Variants in TLN1 observed in about 807,000 individuals in gnomAD.
The protein encoded by TLN1 is talin 1.
Under a neutral mutation model 292.3 loss-of-function variants are expected in TLN1, and 56 were observed. The ratio of observed to expected loss-of-function variants is 0.19; its 90% CI spans 0.15 to 0.24. TLN1 has a LOEUF of 0.24. TLN1 is among the 10% of genes least tolerant of loss of function. The pLI, the probability that TLN1 is intolerant of heterozygous loss-of-function variation, is 1.00. For synonymous variants in TLN1, 1,119 were observed against 1,253.7 expected, an observed-to-expected ratio of 0.89 and a Z score of 2.27; for missense variants, 2,433 against 3,248.2, an observed-to-expected ratio of 0.75 and a Z score of 6.10.
At chr9:35,722,253 AAG>A in intron 8 of TLN1, 30 bp from the exon 9 acceptor site, 1 of 1,586,226 alleles carries the variant, frequency 6.3e-7, no homozygotes, top group Non-Finnish European at 8.7e-7. Flanking sequence ...GAATTTAGCA[AAG>A]AGTTTCATAT....
At chr9:35,715,244 GCTCCTCTCTCA>G in intron 20 of TLN1, 57 bp from the exon 21 acceptor site, 11 of 1,590,368 alleles carry the variant, frequency 6.9e-6, no homozygotes, top group Non-Finnish European at 9.4e-6. Flanking sequence ...TCCTAAAGAA[GCTCCTCTCTCA>G]CTCCTCTAGA....
At position 35,704,639 on chromosome 9, in the gene TLN1, C is replaced by G. The variant is rs748449398; in HGVS notation, c.5880+30G>C. The G allele has an allele frequency of 6.2e-7, 1 of 1,611,610 alleles. No individual in the cohort carries two copies. Among genetic ancestry groups the G allele is most frequent in the South Asian group, 1.1e-5 (1 of 90,926 alleles). On this transcript the variant is annotated intron_variant, in intron 44 of 56. Coordinates refer to ENST00000314888, the MANE Select transcript of TLN1 (RefSeq NM_006289.4). This position sits in a 1 kb window ranked among gnomAD's most constrained non-coding sequence, Gnocchi z 6.9. The stretch of plus-strand genomic sequence containing the variant: ...AAAGGCTACAGAGTTTGGAGGCAGT[C>G]CCACCATCTGCAGGGATGAGCACCG...
chr9:35,721,592 G>A lies in TLN1; in HGVS notation c.1104+56C>T, dbSNP rs1164895887. 8.2e-6 allele frequency: 13 copies of A among 1,579,184 alleles called. No homozygotes were observed. The African/African-American group carries it at 1.6e-4, about 20-fold the overall frequency. Reference sequence around the variant, plus strand: ...CCAAGAGAGGGAAGAGACCTCTGCAGCTGCCCCTTTAATGAAACTCCCAAA... The same window carrying A: ...CCAAGAGAGGGAAGAGACCTCTGCAACTGCCCCTTTAATGAAACTCCCAAA... On this transcript the variant is annotated intron_variant, in intron 10 of 56. Transcript: ENST00000314888.
intron 1 of TLN1, among the ~76,000 whole-genome samples, chr9:35,731,830 C>A (rs1478740980): frequency 1.3e-5 from 2 of 152,138 alleles, no homozygotes; most frequent in African/African-American, 4.8e-5. Flanking sequence ...CGCCCTGCGC[C>A]CCGCTGCCAC....
At position 35,699,912 on chromosome 9, in the gene TLN1, G is replaced by T; in HGVS notation, c.6768+62C>A. The T allele has an allele frequency of 6.6e-7, 1 of 1,511,242 alleles. No individual in the cohort carries two copies. The highest frequency in any genetic ancestry group is 9.0e-7 in the Non-Finnish European group (1 of 1,105,312). 93.6% of individuals were successfully genotyped at this position (1,511,242 alleles called of 1,614,324 possible). A position where few individuals can be genotyped will look rare whatever the true frequency, so the allele number is the denominator to read the frequency against. On this transcript the variant is annotated intron_variant, in intron 50 of 56. Coordinates refer to ENST00000314888, the MANE Select transcript of TLN1 (RefSeq NM_006289.4). The surrounding 1 kb of genome is among the most constrained non-coding windows in gnomAD (Gnocchi z 4.0). ...AAACAGACAGCAGGGTGCGAGGCCT[G>T]CAGGAAGAGGGCTGTGTATTCAGGG...
chr9:35,698,993 G>A lies in TLN1; in HGVS notation c.6999+39C>T. 6 of 1,608,998 alleles carry A rather than the reference G, an allele frequency of 3.7e-6. No individual in the cohort carries two copies. Among genetic ancestry groups the A allele is most frequent in the Non-Finnish European group, 5.1e-6 (6 of 1,175,696 alleles). On this transcript the variant is annotated intron_variant, in intron 52 of 56. Transcript: ENST00000314888. The surrounding 1 kb of genome is among the most constrained non-coding windows in gnomAD (Gnocchi z 5.3). ...AGTCAGAGATGAAGGTGGGGACACT[G>A]CCATGGTGAGGGTGGAAGAGGAAGG...
chr9:35,728,120 C>G (rs770195630), intron 1 of TLN1, among the ~76,000 whole-genome samples: 10 of 152,098 alleles, frequency 6.6e-5, no homozygotes, highest in Non-Finnish European at 1.3e-4. Flanking sequence ...GCGATGCATT[C>G]CAAAGAAGTT....
chr9:35,724,085 G>A lies in TLN1; in HGVS notation c.655-6C>T, dbSNP rs375256716. On this transcript the variant is annotated splice_region_variant and splice_polypyrimidine_tract_variant and intron_variant, in intron 6 of 56. Transcript: ENST00000314888. This position sits in a 1 kb window ranked among gnomAD's most constrained non-coding sequence, Gnocchi z 4.7. ...TTCAGGATGTCATCTCGTGCCTGGAGAGCACAGGGCAAGGAGGCGAATGTT... is the reference window on the plus strand; with the variant it reads ...TTCAGGATGTCATCTCGTGCCTGGAAAGCACAGGGCAAGGAGGCGAATGTT... The A allele has an allele frequency of 2.5e-6, 4 of 1,613,610 alleles. No individual in the cohort carries two copies. In the South Asian group the frequency reaches 3.3e-5, roughly 13 times the overall value.
Position 35,713,310 on chromosome 9 carries a change from G to A in TLN1, c.3250-12C>T, listed in dbSNP as rs1018743667. The A allele has an allele frequency of 6.3e-7, 1 of 1,578,128 alleles. No homozygotes were observed. The highest frequency in any genetic ancestry group is 8.7e-7 in the Non-Finnish European group (1 of 1,152,646). ...GTACACTTCTCCATCTAAGGATGAA[G>A]GGGGAAGAATTGGGCTTGAGAAAGG... On this transcript the variant is annotated splice_polypyrimidine_tract_variant and intron_variant, in intron 25 of 56. Coordinates refer to ENST00000314888, the MANE Select transcript of TLN1 (RefSeq NM_006289.4).
At position 35,712,970 on chromosome 9, in the gene TLN1, C is replaced by T. The variant is rs190970560; in HGVS notation, c.3426G>A (p.Thr1142=). Residue 1142 remains threonine (T), a synonymous_variant, in exon 27 of 57, where the codon ACG becomes ACA. Coordinates refer to ENST00000314888, the MANE Select transcript of TLN1 (RefSeq NM_006289.4). ...AQAARGVAAL[T]SDPAVQAIVL... Reference sequence around the variant, plus strand: ...CAATGGCCTGCACTGCAGGATCTGACGTCAGTGCAGCGACTCCCCTAGCGG... The same window carrying T: ...CAATGGCCTGCACTGCAGGATCTGATGTCAGTGCAGCGACTCCCCTAGCGG... 26 of 1,610,510 alleles carry T rather than the reference C, an allele frequency of 1.6e-5. No homozygotes were observed. The African/African-American group carries it at 2.7e-4, about 17-fold the overall frequency.
chr9:35,726,004 C>T (rs1825970973), intron 1 of TLN1, among the ~76,000 whole-genome samples: 1 of 152,138 alleles, frequency 6.6e-6, no homozygotes, highest in South Asian at 2.1e-4. Flanking sequence ...GCTCCGCCTC[C>T]TGGATTCACG....
rs745844921 is a variant in TLN1, at chr9:35,699,962, G to A, written c.6768+12C>T. 8 of 1,601,012 alleles carry A rather than the reference G, an allele frequency of 5.0e-6. No homozygotes were observed. The highest frequency in any genetic ancestry group is 6.8e-6 in the Non-Finnish European group (8 of 1,170,966). On this transcript the variant is annotated intron_variant, in intron 50 of 56. Transcript: ENST00000314888. The surrounding 1 kb of genome is among the most constrained non-coding windows in gnomAD (Gnocchi z 4.0). Reference sequence around the variant, plus strand: ...GAGGCTGGTATGAGGAACAAGCAACGCCCTCCCTTACCAGCAGTACATGGT... The same window carrying A: ...GAGGCTGGTATGAGGAACAAGCAACACCCTCCCTTACCAGCAGTACATGGT...
At chr9:35,723,032 G>A in intron 7 of TLN1, 111 bp from the exon 8 acceptor site, 1 of 903,872 alleles carries the variant, frequency 1.1e-6, no homozygotes. Flanking sequence ...TGTTATCTTT[G>A]GGGAGAAAAA....
At position 35,724,051 on chromosome 9, in the gene TLN1, T is replaced by C. The variant is rs199774975; in HGVS notation, c.683A>G (p.His228Arg). Residue 228 changes from histidine (H) to arginine (R), a missense_variant, in exon 7 of 57, where the codon CAC (histidine) becomes CGC (arginine). Physicochemically the swap from His to Arg is conservative, Grantham distance 29. This residue lies in a region of TLN1 where 78 missense variants were observed against 88.8 expected (regional missense o/e 0.88). Coordinates refer to ENST00000314888, the MANE Select transcript of TLN1 (RefSeq NM_006289.4). The surrounding 1 kb of genome is among the most constrained non-coding windows in gnomAD (Gnocchi z 4.7). ...ACAGGCCTTGTCAAAGGAGACAGGGTGGGAGCCATTCAGGATGTCATCTCG... is the reference window on the plus strand; with the variant it reads ...ACAGGCCTTGTCAAAGGAGACAGGGCGGGAGCCATTCAGGATGTCATCTCG... Reference protein sequence around the residue: ...QARDDILNGSHPVSFDKACEF... With the variant: ...QARDDILNGSRPVSFDKACEF... 1 of 1,613,868 alleles carries C rather than the reference T, an allele frequency of 6.2e-7. No individual in the cohort carries two copies. Among genetic ancestry groups the C allele is most frequent in the Non-Finnish European group, 8.5e-7 (1 of 1,179,856 alleles).
intron 27 of TLN1, 87 bp from the exon 28 acceptor site, chr9:35,712,211 C>T (rs1465234835): frequency 6.8e-7 from 1 of 1,480,562 alleles, no homozygotes; most frequent in African/African-American, 1.4e-5. Flanking sequence ...ATGACTAGCT[C>T]TACTGCCTCT....
chr9:35,720,274 C>A (rs1825858337), intron 12 of TLN1, 55 bp from the exon 13 acceptor site: 1 of 1,544,916 alleles, frequency 6.5e-7, no homozygotes, highest in African/African-American at 1.4e-5. Context: ...CTACCCGTCC[C>A]ACCCGGTTAC....
chr9:35,710,784 T>A lies in TLN1; in HGVS notation c.4203+13A>T. The A allele has an allele frequency of 6.2e-7, 1 of 1,614,222 alleles. No homozygotes were observed. The highest frequency in any genetic ancestry group is 8.5e-7 in the Non-Finnish European group (1 of 1,180,004). ...TACTGCCCTCTCTCCTCCGAGTTCC[T>A]GGCTGTGCTGACCTTTGAGTTCTCC... On this transcript the variant is annotated intron_variant, in intron 32 of 56. Coordinates refer to ENST00000314888, the MANE Select transcript of TLN1 (RefSeq NM_006289.4).
rs2249250 is a variant in TLN1 at position 35,711,809 on chromosome 9, G to T, written c.3682-17C>A. ...AGGAGGAAGCTGCAAGGTGAGAGGGGAAGTCAGACAGAAGAGTGGGGAATG... is the reference window on the plus strand; with the variant it reads ...AGGAGGAAGCTGCAAGGTGAGAGGGTAAGTCAGACAGAAGAGTGGGGAATG... On this transcript the variant is annotated splice_polypyrimidine_tract_variant and intron_variant, in intron 28 of 56. Transcript: ENST00000314888. The T allele has an allele frequency of 0.68, 1,099,888 of 1,613,056 alleles. 377,817 individuals carry two copies. Among genetic ancestry groups the T allele is most frequent in the South Asian group, 0.78 (70,769 of 91,014 alleles).
Position 35,706,869 on chromosome 9 carries a change from T to C in TLN1, c.4987A>G (p.Thr1663Ala). 5.6e-6 allele frequency: 9 copies of C among 1,613,936 alleles called. No homozygotes were observed. The highest frequency in any genetic ancestry group is 6.8e-6 in the Non-Finnish European group (8 of 1,180,008). ...DKAPGQLECE[T>A]AIAALNSCLR... ...CAACTGTTCAGAGCTGCAATGGCCG[T>C]TTCACACTCCAGCTGCCCTGGAGCC... is the stretch of plus-strand genomic sequence containing the variant. The change falls in exon 38 of 57, where the codon ACG (threonine) becomes GCG (alanine). Residue 1663 changes from threonine to alanine, a missense_variant. Transcript: ENST00000314888. This position sits in a 1 kb window ranked among gnomAD's most constrained non-coding sequence, Gnocchi z 4.2.
Sources: gnomAD v4.1 joint callset for allele counts (sites outside exome capture counted in the v4.1 genomes callset) on GRCh38, gnomAD v4.1.1 for gene constraint, gnomAD v4.1.1 regional missense constraint, Gnocchi (gnomAD v3.1) non-coding constraint, MANE v1.5 for transcripts, NCBI Gene and HGNC (gene_info 2026-07-23, HGNC 2026-07-21) for gene names.